The following CHD9 variants were observed in gnomAD, a reference collection of about 807,000 sequenced individuals.
The protein encoded by CHD9 is ATP-dependent chromatin remodeler CHD9.
In CHD9, 77 loss-of-function variants were observed where a neutral mutation model predicts 316.1. The observed-to-expected ratio is 0.24, with a 90% confidence interval of 0.20 to 0.29. CHD9 has a LOEUF of 0.29. CHD9 is among the 10% of genes least tolerant of loss of function. CHD9 has a pLI of 1.00. For missense variants in CHD9, 2,763 were observed against 3,438.1 expected, an observed-to-expected ratio of 0.80 and a Z score of 4.91; for synonymous variants, 1,129 against 1,158.3, an observed-to-expected ratio of 0.97 and a Z score of 0.51.
At chr16:53,278,336 A>T (rs1434445677) in intron 24 of CHD9, among the ~76,000 whole-genome samples, 1 of 152,244 alleles carries the variant, frequency 6.6e-6, no homozygotes, top group Non-Finnish European at 1.5e-5. Context: ...ATCAGGAGGC[A>T]TCACATTACC....
intron 1 of CHD9, among the ~76,000 whole-genome samples, chr16:53,089,922 G>GA (rs1335440963): frequency 6.6e-6 from 1 of 152,094 alleles, no homozygotes; most frequent in African/African-American, 2.4e-5. Flanking sequence ...CCTCGTCCCA[G>GA]AAAAAAATGC....
At chr16:53,234,822 A>T (rs1175066068) in intron 10 of CHD9, among the ~76,000 whole-genome samples, 1 of 152,056 alleles carries the variant, frequency 6.6e-6, no homozygotes, top group African/African-American at 2.4e-5. Flanking sequence ...TTAAAAAAAA[A>T]AACAAAACCT....
At chr16:53,081,966 C>A (rs1282652923) in intron 1 of CHD9, among the ~76,000 whole-genome samples, 3 of 152,074 alleles carry the variant, frequency 2.0e-5, no homozygotes, top group African/African-American at 7.2e-5. Flanking sequence ...ACTCTGCCTA[C>A]CTCACCAGGT....
chr16:53,294,077 T>C (rs967572259), intron 29 of CHD9, among the ~76,000 whole-genome samples: 8 of 152,220 alleles, frequency 5.3e-5, no homozygotes, highest in Non-Finnish European at 1.2e-4. Flanking sequence ...TGTTCCTTTA[T>C]TCAGAAGACA....
intron 1 of CHD9, among the ~76,000 whole-genome samples, chr16:53,070,064 A>T (rs1472634195): frequency 6.6e-6 from 1 of 152,160 alleles, no homozygotes; most frequent in East Asian, 1.9e-4. Context: ...TTGGAAAAAT[A>T]TCTATTCAAG....
intron 2 of CHD9, among the ~76,000 whole-genome samples, chr16:53,189,225 C>T (rs1357819851): frequency 6.6e-6 from 1 of 151,924 alleles, no homozygotes; most frequent in Admixed American, 6.6e-5. Context: ...GAGTAGATAA[C>T]CTTGTCTTGT....
chr16:53,244,662 C>T (rs1022405535), intron 13 of CHD9, among the ~76,000 whole-genome samples: 4 of 151,764 alleles, frequency 2.6e-5, no homozygotes, highest in African/African-American at 7.3e-5. Context: ...GAAAAAATGC[C>T]CTCTTTGTTC....
chr16:53,172,936 A>G (rs890334747), intron 2 of CHD9, among the ~76,000 whole-genome samples: 15 of 152,018 alleles, frequency 9.9e-5, no homozygotes, highest in African/African-American at 3.6e-4. Flanking sequence ...ATTTTCTCCC[A>G]GTCTGTGGGT....
At chr16:53,153,927 G>A (rs1355565478) in intron 1 of CHD9, among the ~76,000 whole-genome samples, 1 of 152,180 alleles carries the variant, frequency 6.6e-6, no homozygotes, top group Non-Finnish European at 1.5e-5. Flanking sequence ...ATTCTGGCAT[G>A]TGAGTATCTG....
intron 1 of CHD9, among the ~76,000 whole-genome samples, chr16:53,073,419 T>A (rs1214196114): frequency 2.6e-5 from 4 of 152,250 alleles, no homozygotes; most frequent in Middle Eastern, 3.2e-3. Flanking sequence ...CTCTTGACTG[T>A]TGTGAATGAT....
At chr16:53,268,856 A>G (rs2051942575) in intron 22 of CHD9, among the ~76,000 whole-genome samples, 1 of 152,200 alleles carries the variant, frequency 6.6e-6, no homozygotes, top group Non-Finnish European at 1.5e-5. Flanking sequence ...AGGCTAGAGT[A>G]CAGTGATGCA....
intron 30 of CHD9, among the ~76,000 whole-genome samples, chr16:53,300,612 T>C (rs560430341): frequency 2.0e-5 from 3 of 152,194 alleles, no homozygotes; most frequent in African/African-American, 4.8e-5. Context: ...TAATGGATAA[T>C]AAAAACCTAT....
chr16:53,239,104 T>C (rs977414861), intron 12 of CHD9, among the ~76,000 whole-genome samples: 1 of 152,130 alleles, frequency 6.6e-6, no homozygotes, highest in Non-Finnish European at 1.5e-5. Flanking sequence ...ACCTCCATCT[T>C]TTAGGAATGA....
In CHD9 at chr16:53,315,005, G is replaced by A; in HGVS notation, c.7545G>A (p.Glu2515=). The A allele has an allele frequency of 6.2e-7, 1 of 1,613,852 alleles. No individual in the cohort carries two copies. Among genetic ancestry groups the A allele is most frequent in the Non-Finnish European group, 8.5e-7 (1 of 1,179,810 alleles). The part of the protein sequence containing the change: ...KRKDLEKWLK[E]HPGYVEDLGA... ...AGGATTTGGAAAAATGGCTTAAGGA[G>A]CACCCGGGTTATGTGGAAGATTTGG... Residue 2515 remains glutamate, a synonymous_variant, in exon 36 of 39, where the codon GAG becomes GAA. Coordinates refer to ENST00000447540, the MANE Select transcript of CHD9 (RefSeq NM_001308319.2).
chr16:53,315,456 C>G (rs1243977199), intron 36 of CHD9, among the ~76,000 whole-genome samples: 1 of 152,270 alleles, frequency 6.6e-6, no homozygotes, highest in African/African-American at 2.4e-5. Flanking sequence ...AACACAATAA[C>G]TTTATTACGT....
chr16:53,123,374 C>T (rs2038831460), intron 1 of CHD9, among the ~76,000 whole-genome samples: 1 of 152,034 alleles, frequency 6.6e-6, no homozygotes, highest in South Asian at 2.1e-4. Flanking sequence ...CCATGTCAGT[C>T]CTAGGCAACC....
intron 1 of CHD9, among the ~76,000 whole-genome samples, chr16:53,145,765 CTT>C (rs2152720271): frequency 1.3e-5 from 2 of 152,112 alleles, no homozygotes; most frequent in South Asian, 4.1e-4. Flanking sequence ...TACTCTACCT[CTT>C]TTAAAATAGC....
chr16:53,058,549 C>T (rs2032447137), intron 1 of CHD9, among the ~76,000 whole-genome samples: 1 of 152,198 alleles, frequency 6.6e-6, no homozygotes, highest in Non-Finnish European at 1.5e-5. Context: ...AAGAGCTTGG[C>T]AAGGCCAGGG....
chr16:53,098,907 G>C (rs1298554002), intron 1 of CHD9, among the ~76,000 whole-genome samples: 1 of 152,170 alleles, frequency 6.6e-6, no homozygotes, highest in Non-Finnish European at 1.5e-5. Flanking sequence ...AGTTCTCAGA[G>C]CCAGGCCAAA....
Sources: gnomAD v4.1 joint callset for allele counts (sites outside exome capture counted in the v4.1 genomes callset) on GRCh38, gnomAD v4.1.1 for gene constraint, MANE v1.5 for transcripts, NCBI Gene and HGNC (gene_info 2026-07-23, HGNC 2026-07-21) for gene names.